The following ZNF266 variants were observed in gnomAD, a reference collection of about 807,000 sequenced individuals.
ZNF266 encodes zinc finger protein 1.
Under a neutral mutation model 16.4 loss-of-function variants are expected in ZNF266, and 16 were observed. That is an observed-to-expected ratio of 0.98 (90% CI 0.66 to 1.48). The LOEUF is 1.48. Among genes scored for constraint, ZNF266 ranks in the 40% most tolerant of loss-of-function variants. The pLI is 0.00. For synonymous variants in ZNF266, 262 were observed against 237.9 expected (o/e 1.10, Z -0.93); for missense variants, 738 against 689.1 (o/e 1.07, Z -0.79).
chr19:9,421,226 T>C (rs4804437), intron 5 of ZNF266, among the ~76,000 whole-genome samples: 150,163 of 152,200 alleles, frequency 0.99, 74,076 homozygotes, highest in East Asian at 1. Flanking sequence ...CTTTATTCTA[T>C]GAATGAGAAG....
At chr19:9,417,602 C>A (rs1350472810) in intron 9 of ZNF266, among the ~76,000 whole-genome samples, 4 of 152,080 alleles carry the variant, frequency 2.6e-5, no homozygotes, top group African/African-American at 9.7e-5. Context: ...TGGCGTGAGC[C>A]TGTAATCCCA....
chr19:9,413,965 T>TGCA lies in ZNF266; in HGVS notation c.1158_1160dup (p.Ala387dup). The TGCA allele has an allele frequency of 6.2e-7, 1 of 1,614,210 alleles. No individual in the cohort carries two copies. The highest frequency in any genetic ancestry group is 1.1e-5 in the South Asian group (1 of 91,084). Reference sequence around the variant, plus strand: ...ATATCTTACATTCAAAGGGATCCTTTGCAGTGTGAGTTTTTAAATGTTCAG... The same window carrying TGCA: ...ATATCTTACATTCAAAGGGATCCTTTGCAGCAGTGTGAGTTTTTAAATGTTCAG... On this transcript the variant is annotated inframe_insertion, in exon 11 of 11. Transcript: ENST00000592904.
rs1201918023 is a variant in ZNF266 at position 9,414,121 on chromosome 19, A to G, written c.1005T>C (p.Tyr335=). The stretch of plus-strand genomic sequence containing the variant: ...AGGCTCTCCCACAATCCTTACATTT[A>G]TAAGGTTTCTCTCCAGTGTGAGTTT... ...HRKTHTGEKP[Y]KCKDCGRAFT... The change falls in exon 11 of 11, where the codon TAT becomes TAC. Residue 335 remains tyrosine, a synonymous_variant. Transcript: ENST00000592904. 15 of 1,613,890 alleles carry G rather than the reference A, an allele frequency of 9.3e-6. No homozygotes were observed. Among genetic ancestry groups the G allele is most frequent in the Non-Finnish European group, 1.3e-5 (15 of 1,179,936 alleles).
chr19:9,417,204 C>G (rs1199580849), intron 9 of ZNF266, among the ~76,000 whole-genome samples: 1 of 151,062 alleles, frequency 6.6e-6, no homozygotes, highest in Admixed American at 6.6e-5. Flanking sequence ...AACCCTCTCT[C>G]CACTAATAAT....
intron 8 of ZNF266, 25 bp downstream of exon 8, chr19:9,418,480 C>T: frequency 6.2e-7 from 1 of 1,613,374 alleles, no homozygotes; most frequent in Non-Finnish European, 8.5e-7. Flanking sequence ...CCATAGTAGG[C>T]TACAAGGGAT....
At chr19:9,415,817 T>C (rs1004823789) in intron 9 of ZNF266, 75 bp from the exon 10 acceptor site, 8 of 1,259,352 alleles carry the variant, frequency 6.4e-6, no homozygotes, top group African/African-American at 1.5e-5. Context: ...AGAGGGATCA[T>C]TTGTACTTGT....
intron 1 of ZNF266, 35 bp from the exon 2 acceptor site, chr19:9,435,228 AAG>A (rs2072293370): frequency 6.6e-6 from 1 of 151,948 alleles, no homozygotes; most frequent in African/African-American, 2.4e-5. Flanking sequence ...ATTGCTTTGG[AAG>A]AGTTTGAAGC....
intron 8 of ZNF266, 93 bp from the exon 9 acceptor site, chr19:9,418,001 A>G: frequency 7.7e-7 from 1 of 1,296,570 alleles, no homozygotes; most frequent in South Asian, 1.2e-5. Context: ...CAATGGAAGC[A>G]GTGAAATTAT....
chr19:9,434,464 G>A (rs1403358593), intron 3 of ZNF266, among the ~76,000 whole-genome samples: 1 of 152,026 alleles, frequency 6.6e-6, no homozygotes, highest in African/African-American at 2.4e-5. Context: ...ATTTAAACAC[G>A]GCACAGAATA....
chr19:9,421,355 T>C (rs1444328103), intron 5 of ZNF266, among the ~76,000 whole-genome samples: 1 of 152,226 alleles, frequency 6.6e-6, no homozygotes, highest in Admixed American at 6.5e-5. Context: ...GGGCCACAAA[T>C]GTGTTTAATT....
Position 9,413,691 on chromosome 19 carries a change from T to C in ZNF266, c.1435A>G (p.Lys479Glu). 1.2e-6 allele frequency: 2 copies of C among 1,613,710 alleles called. No homozygotes were observed. Among genetic ancestry groups the C allele is most frequent in the Non-Finnish European group, 1.7e-6 (2 of 1,179,908 alleles). Residue 479 changes from lysine (K) to glutamate (E), a missense_variant, in exon 11 of 11, where the codon AAA (lysine) becomes GAA (glutamate). Coordinates refer to ENST00000592904, the MANE Select transcript of ZNF266 (RefSeq NM_001370374.1). ...GAAATAGCAAAGGCTTTCCCACATT[T>C]GACACATTCAAAAGGCTTCTCTCCA... ...HTGEKPFECV[K>E]CGKAFAISSN...
rs991904527 is a variant in ZNF266, at chr19:9,413,159, C to A, written c.*116G>T. 23 of 1,300,482 alleles carry A rather than the reference C, an allele frequency of 1.8e-5. No individual in the cohort carries two copies. In the African/African-American group the frequency reaches 3.4e-4, roughly 19 times the overall value. 80.6% of individuals were successfully genotyped at this position (1,300,482 alleles called of 1,614,324 possible). A position where few individuals can be genotyped will look rare whatever the true frequency, so the allele number is the denominator to read the frequency against. On this transcript the variant is annotated 3_prime_UTR_variant, in exon 11 of 11. Coordinates refer to ENST00000592904, the MANE Select transcript of ZNF266 (RefSeq NM_001370374.1). The stretch of plus-strand genomic sequence containing the variant: ...TCTCCACTGTGAATTCATATGTGTT[C>A]ATTAAGACCTGAGATACAAAGTTGC...
rs904590594 is a variant in ZNF266 at position 9,417,735 on chromosome 19, G to C, written c.316+93C>G. 5.7e-6 allele frequency: 6 copies of C among 1,044,092 alleles called. No individual in the cohort carries two copies. The African/African-American group carries it at 9.6e-5, about 17-fold the overall frequency. 64.7% of individuals were successfully genotyped at this position (1,044,092 alleles called of 1,614,324 possible). A position where few individuals can be genotyped will look rare whatever the true frequency, so the allele number is the denominator to read the frequency against. On this transcript the variant is annotated intron_variant, in intron 9 of 10. Coordinates refer to ENST00000592904, the MANE Select transcript of ZNF266 (RefSeq NM_001370374.1). ...GGCACTCCAGCCTGGGTGACAGAGT[G>C]AGACTCCATCTCAAAAAAAAAAAAA...
chr19:9,417,799 GA>G, intron 9 of ZNF266, 28 bp downstream of exon 9: 1 of 1,555,696 alleles, frequency 6.4e-7, no homozygotes, highest in African/African-American at 1.4e-5. Flanking sequence ...TGAACTTATT[GA>G]CCAGGGCGGT....
At chr19:9,415,778 T>G in intron 9 of ZNF266, 36 bp from the exon 10 acceptor site, 1 of 1,560,456 alleles carries the variant, frequency 6.4e-7, no homozygotes, top group Non-Finnish European at 8.8e-7. Flanking sequence ...TTTGGAGACA[T>G]ACAGGGTAGA....
chr19:9,421,849 C>G lies in ZNF266; in HGVS notation c.-129-1631G>C, dbSNP rs1373299467. Among the ~76,000 whole-genome samples the G allele has an allele frequency of 1.8e-4, 5 of 28,530 alleles. No individual in the cohort carries two copies. In the East Asian group the frequency reaches 2.7e-3, roughly 16 times the overall value. The allele number at this position is 28,530 out of a possible 152,430, so 18.7% of individuals were successfully genotyped here. On this transcript the variant is annotated intron_variant, in intron 5 of 10. Coordinates refer to ENST00000592904, the MANE Select transcript of ZNF266 (RefSeq NM_001370374.1). ...TTTCCTATTTTTGGAGCAACAAAAC[C>G]TTTCTTTTTTTTTTTCTTTTGAGAC... is the stretch of plus-strand genomic sequence containing the variant.
Position 9,414,276 on chromosome 19 carries a change from A to AT in ZNF266, c.849dup (p.Cys284MetfsTer6), listed in dbSNP as rs1293870616. 6.2e-7 allele frequency: 1 copy of AT among 1,614,070 alleles called. No homozygotes were observed. Among genetic ancestry groups the AT allele is most frequent in the Non-Finnish European group, 8.5e-7 (1 of 1,180,042 alleles). Reference sequence around the variant, plus strand: ...GCAGAATATCTAAATCCTTTTCCACATTCCTTACATTTGTAGGGTTTTTCT... The same window carrying AT: ...GCAGAATATCTAAATCCTTTTCCACATTTCCTTACATTTGTAGGGTTTTTCT... On this transcript the variant is annotated frameshift_variant, in exon 11 of 11. Transcript: ENST00000592904. LOFTEE classifies it low-confidence loss of function (END_TRUNC).
At position 9,417,698 on chromosome 19, in the gene ZNF266, A is replaced by C. The variant is rs926927189; in HGVS notation, c.316+130T>G. 4 of 673,572 alleles carry C rather than the reference A, an allele frequency of 5.9e-6. No individual in the cohort carries two copies. In the East Asian group the frequency reaches 1.1e-4, roughly 19 times the overall value. 41.7% of individuals were successfully genotyped at this position (673,572 alleles called of 1,614,324 possible). ...GCGAGGCGGAGGTTGCAGTGAGCTG[A>C]GACTGTGCCACGGCACTCCAGCCTG... On this transcript the variant is annotated intron_variant, in intron 9 of 10. Coordinates refer to ENST00000592904, the MANE Select transcript of ZNF266 (RefSeq NM_001370374.1).
At chr19:9,417,459 TG>T (rs1159419548) in intron 9 of ZNF266, among the ~76,000 whole-genome samples, 1 of 151,806 alleles carries the variant, frequency 6.6e-6, no homozygotes, top group African/African-American at 2.4e-5. Flanking sequence ...CTAAGCGTGG[TG>T]GCTCACGCCT....
Sources: allele counts gnomAD v4.1 joint callset (sites outside exome capture counted in the v4.1 genomes callset), GRCh38; gene constraint gnomAD v4.1.1; transcripts MANE v1.5; gene names NCBI Gene and HGNC (gene_info 2026-07-23, HGNC 2026-07-21).